Variants in CD151 observed in about 807,000 individuals in gnomAD.
The protein encoded by CD151 is CD151 antigen.
A neutral mutation model predicts 34.2 loss-of-function variants in CD151; 20 were observed. The ratio of observed to expected loss-of-function variants is 0.58; its 90% CI spans 0.41 to 0.85. The LOEUF (loss-of-function observed/expected upper bound fraction) is 0.85, where lower values mean the gene tolerates loss of function less well. CD151 is among the 40% of genes least tolerant of loss of function. CD151 has a pLI of 0.00. For missense variants in CD151, 306 were observed against 324.5 expected (o/e 0.94, Z 0.44); for synonymous variants, 157 against 131.7 (o/e 1.19, Z -1.32).
Position 837,309 on chromosome 11 carries a change from G to A in CD151, c.411G>A (p.Pro137=), listed in dbSNP as rs202233428. The A allele has an allele frequency of 7.4e-6, 12 of 1,613,012 alleles. No homozygotes were observed. Among genetic ancestry groups the A allele is most frequent in the South Asian group, 1.1e-5 (1 of 91,084 alleles). Residue 137 remains proline (P), a synonymous_variant, in exon 6 of 9, where the codon CCG becomes CCA. Coordinates refer to ENST00000397420, the MANE Select transcript of CD151 (RefSeq NM_004357.5). ...KDTMTKRYHQ[P]GHEAVTSAVD... ...CCATGACCAAGCGCTACCACCAGCC[G>A]GGCCATGAGGCTGTGACCAGCGCTG... is the stretch of plus-strand genomic sequence containing the variant.
intron 5 of CD151, 152 bp from the exon 6 acceptor site, chr11:837,098 C>T: frequency 1.4e-6 from 1 of 690,700 alleles, no homozygotes; most frequent in Non-Finnish European, 2.6e-6. Flanking sequence ...CTGGCACCAC[C>T]CAACCTCCCC....
rs1846813412 is a variant in CD151, at chr11:837,342, G to C, written c.444G>C (p.Gln148His). The C allele has an allele frequency of 1.2e-6, 2 of 1,612,796 alleles. No homozygotes were observed. The highest frequency in any genetic ancestry group is 2.2e-5 in the East Asian group (1 of 44,872). Residue 148 changes from glutamine to histidine, a missense_variant, in exon 6 of 9, where the codon CAG becomes CAC. By Grantham distance (24) the Gln-to-His change is conservative (BLOSUM62 0). Transcript: ENST00000397420. ...AGGCTGTGACCAGCGCTGTGGACCAGCTGCAGCAGGAGGTGGGTGGGTGGT... is the reference window on the plus strand; with the variant it reads ...AGGCTGTGACCAGCGCTGTGGACCACCTGCAGCAGGAGGTGGGTGGGTGGT... Reference protein sequence around the residue: ...GHEAVTSAVDQLQQEFHCCGS... With the variant: ...GHEAVTSAVDHLQQEFHCCGS...
chr11:836,669 C>T, intron 4 of CD151, 100 bp from the exon 5 acceptor site: 2 of 1,212,640 alleles, frequency 1.6e-6, no homozygotes, highest in Admixed American at 1.9e-5. Context: ...TCAGCCCCCA[C>T]CTGGAGCCTG....
intron 2 of CD151, chr11:835,727 G>T (rs972339305): frequency 2.2e-5 from 5 of 222,306 alleles, no homozygotes; most frequent in South Asian, 7.7e-5. Flanking sequence ...TCACTCTGTC[G>T]CCCAGGCTGG....
chr11:838,145 A>AG lies in CD151; in HGVS notation c.715_716insG (p.Ile239SerfsTer42). 6.2e-7 allele frequency: 1 copy of AG among 1,613,208 alleles called. No individual in the cohort carries two copies. Among genetic ancestry groups the AG allele is most frequent in the African/African-American group, 1.3e-5 (1 of 75,010 alleles). ...GCTCTGCACACAGGTCTTTGGCATG[A>AG]TCTTCACGTGCTGCCTGTACAGGAG... On this transcript the variant is annotated frameshift_variant, in exon 9 of 9. Coordinates refer to ENST00000397420, the MANE Select transcript of CD151 (RefSeq NM_004357.5). LOFTEE classifies it high-confidence loss of function.
chr11:833,636 C>T (rs1393325093), intron 1 of CD151, among the ~76,000 whole-genome samples: 1 of 152,214 alleles, frequency 6.6e-6, no homozygotes, highest in African/African-American at 2.4e-5. Flanking sequence ...CCCAGGGGGT[C>T]CAGAGGGACC....
intron 7 of CD151, 82 bp from the exon 8 acceptor site, chr11:837,860 C>T (rs1004760078): frequency 4.2e-6 from 5 of 1,177,110 alleles, no homozygotes; most frequent in African/African-American, 3.0e-5. Flanking sequence ...TGGGTTTGGC[C>T]ACACCCTGGA....
chr11:836,328 A>C lies in CD151; in HGVS notation c.162A>C (p.Ser54=). Reference sequence around the variant, plus strand: ...GTGACTACATCAGCCTGCTGGCCTCAGGCACCTACCTGGCCACAGCCTACA... The same window carrying C: ...GTGACTACATCAGCCTGCTGGCCTCCGGCACCTACCTGGCCACAGCCTACA... ...LKSDYISLLA[S]GTYLATAYIL... Residue 54 remains serine (S), a synonymous_variant, in exon 4 of 9, where the codon TCA becomes TCC. Coordinates refer to ENST00000397420, the MANE Select transcript of CD151 (RefSeq NM_004357.5). The C allele has an allele frequency of 6.2e-7, 1 of 1,612,732 alleles. No individual in the cohort carries two copies. Among genetic ancestry groups the C allele is most frequent in the Non-Finnish European group, 8.5e-7 (1 of 1,179,926 alleles).
In CD151 at chr11:838,672, C is replaced by T. The variant is rs1803956; in HGVS notation, c.*480C>T. 28,864 of 208,894 alleles carry T rather than the reference C, an allele frequency of 0.14. 3,291 individuals are homozygous for T. Among genetic ancestry groups the T allele is most frequent in the East Asian group, 0.62 (5,059 of 8,096 alleles). 12.9% of individuals were successfully genotyped at this position (208,894 alleles called of 1,614,324 possible). On this transcript the variant is annotated 3_prime_UTR_variant, in exon 9 of 9. Transcript: ENST00000397420. ...ACAGCGCCCCTGCTGTCTTCCCCAC[C>T]GCAGTCACCACCACCCGAAATGCCA...
chr11:836,539 TG>T lies in CD151; in HGVS notation c.276+107del, dbSNP rs56063221. The T allele has an allele frequency of 0.91, 712,406 of 781,520 alleles. 322,581 individuals carry two copies. The highest frequency in any genetic ancestry group is 0.98 in the East Asian group (34,998 of 35,808). The allele number at this position is 781,520 out of a possible 1,614,324, so 48.4% of individuals were successfully genotyped here. A position where few individuals can be genotyped will look rare whatever the true frequency, so the allele number is the denominator to read the frequency against. ...GAACCTGTGCCTTGCTGTGCTCACCTGGGGGGGGGGTCACGGTCCTTCCACA... is the reference window on the plus strand; with the variant it reads ...GAACCTGTGCCTTGCTGTGCTCACCTGGGGGGGGGTCACGGTCCTTCCACA... On this transcript the variant is annotated intron_variant, in intron 4 of 8. Coordinates refer to ENST00000397420, the MANE Select transcript of CD151 (RefSeq NM_004357.5).
rs1489941045 is a variant in CD151, at chr11:838,223, C to T, written c.*31C>T. 4 of 1,590,408 alleles carry T rather than the reference C, an allele frequency of 2.5e-6. No individual in the cohort carries two copies. The highest frequency in any genetic ancestry group is 3.4e-6 in the Non-Finnish European group (4 of 1,159,512). On this transcript the variant is annotated 3_prime_UTR_variant, in exon 9 of 9. Transcript: ENST00000397420. ...CCTTGGGCCTTGCTGCTGCTGCACC[C>T]AACTACTGAGCTGAGACCACTGAGT...
chr11:837,406 C>G, intron 6 of CD151, 52 bp downstream of exon 6: 3 of 1,610,798 alleles, frequency 1.9e-6, no homozygotes, highest in Non-Finnish European at 2.5e-6. Flanking sequence ...CTCCCTGGAC[C>G]TCTGCAGGAG....
At position 838,467 on chromosome 11, in the gene CD151, C is replaced by G. The variant is rs998490956; in HGVS notation, c.*275C>G. On this transcript the variant is annotated 3_prime_UTR_variant, in exon 9 of 9. Coordinates refer to ENST00000397420, the MANE Select transcript of CD151 (RefSeq NM_004357.5). ...CAGATGCAGGTTGGAAGGGGCCTTG[C>G]TGAGTGGCGCAAGGCCGAGCGTTCC... is the stretch of plus-strand genomic sequence containing the variant. 1 of 575,694 alleles carries G rather than the reference C, an allele frequency of 1.7e-6. No homozygotes were observed. Among genetic ancestry groups the G allele is most frequent in the South Asian group, 2.0e-5 (1 of 49,292 alleles). 35.7% of individuals were successfully genotyped at this position (575,694 alleles called of 1,614,324 possible).
At chr11:836,475 G>GGGGGTC (rs776929851) in intron 4 of CD151, 33 bp downstream of exon 4, 6 of 1,495,652 alleles carry the variant, frequency 4.0e-6, no homozygotes, top group Admixed American at 1.8e-5. Flanking sequence ...GGGTGGGGGT[G>GGGGGTC]GTGCAGATGG....
At chr11:836,184 A>ACCCCCC in intron 3 of CD151, 31 bp downstream of exon 3, 1 of 715,894 alleles carries the variant, frequency 1.4e-6, no homozygotes, top group Non-Finnish European at 2.3e-6. Flanking sequence ...CCCCACCCCC[A>ACCCCCC]CCCCCACCCC....
chr11:837,053 C>T (rs1846802205), intron 5 of CD151, 197 bp from the exon 6 acceptor site: 4 of 653,736 alleles, frequency 6.1e-6, no homozygotes, highest in South Asian at 5.4e-5. Flanking sequence ...CTCTCTCTGC[C>T]TCTGCCGCAC....
Position 837,976 on chromosome 11 carries a change from AG to A in CD151, c.652del (p.Glu218SerfsTer3). Reference protein sequence around the residue: ...GCITKLETFIQEHLRVIGAVG... With the variant: ...GCITKLETFIXEHLRVIGAVG... Reference sequence around the variant, plus strand: ...ATCACCAAGTTGGAGACCTTCATCCAGGAGCACCTGAGGGTCATTGGGGCTG... The same window carrying A: ...ATCACCAAGTTGGAGACCTTCATCCAGAGCACCTGAGGGTCATTGGGGCTG... On this transcript the variant is annotated frameshift_variant, in exon 8 of 9. Coordinates refer to ENST00000397420, the MANE Select transcript of CD151 (RefSeq NM_004357.5). LOFTEE classifies it high-confidence loss of function. The A allele has an allele frequency of 6.2e-7, 1 of 1,613,302 alleles. No homozygotes were observed. The highest frequency in any genetic ancestry group is 8.5e-7 in the Non-Finnish European group (1 of 1,179,864).
chr11:834,370 AAAAG>A (rs1345354458), intron 1 of CD151, 156 bp from the exon 2 acceptor site: 4 of 152,448 alleles, frequency 2.6e-5, no homozygotes. Context: ...AAAAAAGAAA[AAAAG>A]AAAAAAACAA....
chr11:834,208 CATT>C (rs1459384972), intron 1 of CD151: 5 of 152,128 alleles, frequency 3.3e-5, no homozygotes, highest in African/African-American at 1.2e-4. Flanking sequence ...AAAATACAAA[CATT>C]AGCTGGGCGT....
Sources: allele counts gnomAD v4.1 joint callset (sites outside exome capture counted in the v4.1 genomes callset), GRCh38; gene constraint gnomAD v4.1.1; transcripts MANE v1.5; gene names NCBI Gene and HGNC (gene_info 2026-07-23, HGNC 2026-07-21).